UPF2: variants seen among roughly 807,000 people sequenced by gnomAD.
UPF2 encodes the protein UPF2 regulator of nonsense mediated mRNA decay, also known as regulator of nonsense transcripts 2.
Under a neutral mutation model 141.4 loss-of-function variants are expected in UPF2, and 17 were observed. The observed-to-expected ratio is 0.12, with a 90% CI of 0.08 to 0.18. The LOEUF is 0.18. Among genes scored for constraint, UPF2 ranks in the 10% least tolerant of loss-of-function variants. The pLI, the probability that UPF2 is intolerant of heterozygous loss-of-function variation, is 1.00. For synonymous variants in UPF2, 540 were observed against 498.0 expected (o/e 1.08, Z -1.12); for missense variants, 1,152 against 1,515.9 (o/e 0.76, Z 3.99).
At chr10:12,010,759 G>A (rs576511060) in intron 4 of UPF2, among the ~76,000 whole-genome samples, 12 of 152,008 alleles carry the variant, frequency 7.9e-5, no homozygotes, top group East Asian at 7.7e-4. Flanking sequence ...TACAAGAAAC[G>A]AAGAAAACCA....
At chr10:11,952,994 C>T (rs903443824) in intron 14 of UPF2, among the ~76,000 whole-genome samples, 4 of 152,106 alleles carry the variant, frequency 2.6e-5, no homozygotes, top group African/African-American at 7.2e-5. Context: ...TCTGAAAATA[C>T]GGTTTTTGAA....
rs911671385 is a variant in UPF2 at position 12,007,138 on chromosome 10, T to C, written c.1307-2411A>G. 6.6e-5 allele frequency among the ~76,000 whole-genome samples: 10 copies of C among 152,288 alleles called. No individual in the cohort carries two copies. The East Asian group carries it at 1.9e-3, about 29-fold the overall frequency. On this transcript the variant is annotated intron_variant, in intron 4 of 21. Coordinates refer to ENST00000357604, the MANE Select transcript of UPF2 (RefSeq NM_015542.4). ...AATATTAATCAGGTGTTAAAAGGAA[T>C]GAGATGTATCTACAAGAACTGACTC...
At chr10:11,938,853 G>GTTTTGTTTTTTTTTTTTTT (rs1832889729) in intron 18 of UPF2, among the ~76,000 whole-genome samples, 2 of 79,816 alleles carry the variant, frequency 2.5e-5, no homozygotes, top group East Asian at 3.6e-4. Context: ...TTTTTTTTTT[G>GTTTTGTTTTTTTTTTTTTT]TTTTTTTTTT....
chr10:11,952,375 C>A (rs1325973785), intron 14 of UPF2, 126 bp from the exon 15 acceptor site: 3 of 799,484 alleles, frequency 3.8e-6, no homozygotes, highest in African/African-American at 3.5e-5. Context: ...AAGACACTTA[C>A]CATTTCTATT....
At chr10:12,033,327 A>G (rs1275372019) in intron 2 of UPF2, among the ~76,000 whole-genome samples, 1 of 152,100 alleles carries the variant, frequency 6.6e-6, no homozygotes, top group Admixed American at 6.5e-5. Flanking sequence ...CTTGAGTCCA[A>G]GAGTTCAAGA....
At chr10:11,976,414 G>A (rs766692601) in intron 9 of UPF2, among the ~76,000 whole-genome samples, 9 of 152,158 alleles carry the variant, frequency 5.9e-5, no homozygotes, top group African/African-American at 1.9e-4. Context: ...AGTAAACAAT[G>A]GCTCCTAAAT....
chr10:11,968,134 A>G lies in UPF2; in HGVS notation c.1954-680T>C, dbSNP rs962978253. ...GCAGAGGTTGCAGTGAGCCAAGATC[A>G]TGCCACTGCACTCCAGCCTGGGTGA... On this transcript the variant is annotated intron_variant, in intron 9 of 21. Transcript: ENST00000357604. 2.5e-4 allele frequency among the ~76,000 whole-genome samples: 38 copies of G among 152,166 alleles called. 1 individual carries two copies. Among genetic ancestry groups the G allele is most frequent in the Admixed American group, 2.2e-3 (34 of 15,282 alleles).
intron 11 of UPF2, among the ~76,000 whole-genome samples, chr10:11,960,429 A>G (rs1289275904): frequency 6.6e-6 from 1 of 152,006 alleles, no homozygotes; most frequent in Non-Finnish European, 1.5e-5. Context: ...ATAGCTGGGC[A>G]CAGTGGTAGG....
Position 11,998,772 on chromosome 10 carries a change from T to C in UPF2, c.1759-1015A>G, listed in dbSNP as rs1213052379. On this transcript the variant is annotated intron_variant, in intron 7 of 21. Coordinates refer to ENST00000357604, the MANE Select transcript of UPF2 (RefSeq NM_015542.4). This position sits in a 1 kb window ranked among gnomAD's most constrained non-coding sequence, Gnocchi z 4.5. ...GGGAGGCTGAGGCAGGAGAATGGCG[T>C]GAACCCGGGAGGCGGAGCTTGCAGT... Among the ~76,000 whole-genome samples the C allele has an allele frequency of 6.6e-6, 1 of 151,954 alleles. No individual in the cohort carries two copies. Among genetic ancestry groups the C allele is most frequent in the African/African-American group, 2.4e-5 (1 of 41,368 alleles).
intron 8 of UPF2, among the ~76,000 whole-genome samples, chr10:11,994,826 A>C (rs1028533257): frequency 6.6e-6 from 1 of 151,866 alleles, no homozygotes; most frequent in Non-Finnish European, 1.5e-5. Context: ...AATACAAAAA[A>C]TTAGCCGGGC....
In UPF2 at chr10:11,992,061, G is replaced by A. The variant is rs555542666; in HGVS notation, c.1844+5611C>T. Reference sequence around the variant, plus strand: ...CTCAGGAGCCTGAGGCAGAAGAATCGCTTGAACTGGAGGCAGAGGTTGCAG... The same window carrying A: ...CTCAGGAGCCTGAGGCAGAAGAATCACTTGAACTGGAGGCAGAGGTTGCAG... On this transcript the variant is annotated intron_variant, in intron 8 of 21. Coordinates refer to ENST00000357604, the MANE Select transcript of UPF2 (RefSeq NM_015542.4). This position sits in a 1 kb window ranked among gnomAD's most constrained non-coding sequence, Gnocchi z 4.1. 1.9e-3 allele frequency among the ~76,000 whole-genome samples: 292 copies of A among 152,104 alleles called. No individual in the cohort carries two copies. Among genetic ancestry groups the A allele is most frequent in the Non-Finnish European group, 3.5e-3 (236 of 68,002 alleles).
At chr10:11,942,958 A>G in intron 17 of UPF2, 106 bp downstream of exon 17, 1 of 983,986 alleles carries the variant, frequency 1.0e-6, no homozygotes, top group Non-Finnish European at 1.5e-6. Context: ...TTTCTAAAGA[A>G]ATATTTTTCA....
chr10:11,936,616 C>T lies in UPF2; in HGVS notation c.3475G>A (p.Gly1159Arg). ...QLRKGPPLGGGEGEAESADTM... is the reference protein window; with the variant it reads ...QLRKGPPLGGREGEAESADTM... ...TCTGCAGACTCAGCCTCTCCTTCCC[C>T]ACCTCCCAGTGGGGGCCCTTTCCTC... Residue 1159 changes from glycine (G) to arginine (R), a missense_variant, in exon 19 of 22, where the codon GGG (glycine) becomes AGG (arginine). By Grantham distance (125) the Gly-to-Arg change is moderately radical. Around this residue, in one of 4 missense-constraint regions of UPF2, gnomAD observed 202 missense variants for 223.6 expected, o/e 0.90. Transcript: ENST00000357604. This position sits in a 1 kb window ranked among gnomAD's most constrained non-coding sequence, Gnocchi z 6.6. 6.2e-7 allele frequency: 1 copy of T among 1,613,412 alleles called. No homozygotes were observed. Among genetic ancestry groups the T allele is most frequent in the African/African-American group, 1.3e-5 (1 of 75,004 alleles).
At chr10:11,960,491 C>T (rs1477182052) in intron 11 of UPF2, among the ~76,000 whole-genome samples, 1 of 152,060 alleles carries the variant, frequency 6.6e-6, no homozygotes, top group Non-Finnish European at 1.5e-5. Context: ...TCACGTGAGC[C>T]CAGAAGCTCG....
At chr10:12,032,737 CAAA>C (rs1291360872) in intron 2 of UPF2, among the ~76,000 whole-genome samples, 15 of 90,902 alleles carry the variant, frequency 1.7e-4, no homozygotes, top group Non-Finnish European at 1.6e-4. Context: ...GACCCTGTCT[CAAA>C]AAAAAAAAAA....
chr10:12,022,971 A>C (rs1834344465), intron 3 of UPF2, among the ~76,000 whole-genome samples: 1 of 152,192 alleles, frequency 6.6e-6, no homozygotes, highest in South Asian at 2.1e-4. Flanking sequence ...GAGGGTACTA[A>C]GTCAGGGGTG....
At position 11,921,748 on chromosome 10, in the gene UPF2, T is replaced by C. The variant is rs778271218; in HGVS notation, c.3810-441A>G. 7.2e-5 allele frequency among the ~76,000 whole-genome samples: 11 copies of C among 152,164 alleles called. No individual in the cohort carries two copies. The highest frequency in any genetic ancestry group is 1.6e-4 in the Non-Finnish European group (11 of 68,034). On this transcript the variant is annotated intron_variant, in intron 21 of 21. Coordinates refer to ENST00000357604, the MANE Select transcript of UPF2 (RefSeq NM_015542.4). The surrounding 1 kb of genome is among the most constrained non-coding windows in gnomAD (Gnocchi z 5.9). ...CTTTTTTGAGAGCATTCATGCTCTC[T>C]ACTGAGCTACAACTTAACCAGAGCC... is the stretch of plus-strand genomic sequence containing the variant.
chr10:11,951,469 T>A lies in UPF2; in HGVS notation c.3034+597A>T, dbSNP rs143659493. Among the ~76,000 whole-genome samples the A allele has an allele frequency of 5.9e-3, 897 of 152,280 alleles. 10 individuals carry two copies. Among genetic ancestry groups the A allele is most frequent in the Non-Finnish European group, 7.5e-3 (513 of 68,028 alleles). On this transcript the variant is annotated intron_variant, in intron 15 of 21. Transcript: ENST00000357604. ...TGTACTGGTTATTTCTAAAGACATATAGGTTCCTGCAGCTCTAGTGGAAGC... is the reference window on the plus strand; with the variant it reads ...TGTACTGGTTATTTCTAAAGACATAAAGGTTCCTGCAGCTCTAGTGGAAGC...
chr10:11,950,556 T>C (rs1833060822), intron 15 of UPF2, among the ~76,000 whole-genome samples: 1 of 152,208 alleles, frequency 6.6e-6, no homozygotes, highest in Non-Finnish European at 1.5e-5. Flanking sequence ...ATTTAGCCTT[T>C]TGATCTACAA....
Sources: allele counts gnomAD v4.1 joint callset (sites outside exome capture counted in the v4.1 genomes callset), GRCh38; gene constraint gnomAD v4.1.1; regional missense constraint gnomAD v4.1.1; non-coding constraint Gnocchi (gnomAD v3.1); transcripts MANE v1.5; gene names NCBI Gene and HGNC (gene_info 2026-07-23, HGNC 2026-07-21).